The following ZNF423 variants were observed in gnomAD, a reference collection of about 807,000 sequenced individuals.
The protein encoded by ZNF423 is zinc finger protein 423.
ZNF423 carries 12 observed loss-of-function variants against 95.8 expected under a neutral mutation model. The observed-to-expected ratio is 0.13, with a 90% CI of 0.08 to 0.20. The LOEUF (loss-of-function observed/expected upper bound fraction) is 0.20, where lower values mean the gene tolerates loss of function less well. ZNF423 is among the 10% of genes least tolerant of loss of function. The pLI, the probability that ZNF423 is intolerant of heterozygous loss-of-function variation, is 1.00. For missense variants in ZNF423, 1,316 were observed against 1,737.1 expected (o/e 0.76, Z 4.31); for synonymous variants, 749 against 711.9 (o/e 1.05, Z -0.83).
intron 1 of ZNF423, among the ~76,000 whole-genome samples, chr16:49,800,199 G>A (rs2034560742): frequency 6.6e-6 from 1 of 151,664 alleles, no homozygotes; most frequent in Non-Finnish European, 1.5e-5. Flanking sequence ...AGCAGAGATT[G>A]TGCCACTGCA....
intron 1 of ZNF423, among the ~76,000 whole-genome samples, chr16:49,800,915 C>T (rs919588534): frequency 2.0e-5 from 3 of 152,146 alleles, no homozygotes; most frequent in Non-Finnish European, 4.4e-5. Context: ...CAGCCATTCA[C>T]CCCTCGTTCT....
At chr16:49,655,718 C>T (rs2029869143) in intron 3 of ZNF423, among the ~76,000 whole-genome samples, 1 of 152,084 alleles carries the variant, frequency 6.6e-6, no homozygotes, top group Admixed American at 6.5e-5. Context: ...CAAGGTGTTC[C>T]CAAATACACA....
At chr16:49,744,574 C>T (rs1215881689) in intron 2 of ZNF423, among the ~76,000 whole-genome samples, 2 of 152,188 alleles carry the variant, frequency 1.3e-5, no homozygotes, top group African/African-American at 4.8e-5. Context: ...GTACCCAGCT[C>T]GGGGTCAGGG....
At chr16:49,530,974 G>T (rs945570474) in intron 5 of ZNF423, among the ~76,000 whole-genome samples, 3 of 152,196 alleles carry the variant, frequency 2.0e-5, no homozygotes, top group Non-Finnish European at 4.4e-5. Context: ...AAAAAATCCT[G>T]GTCAGAAGGA....
chr16:49,787,172 C>G (rs2034328036), intron 2 of ZNF423, among the ~76,000 whole-genome samples: 20 of 152,194 alleles, frequency 1.3e-4, no homozygotes, highest in Admixed American at 1.3e-3. Context: ...CGCCTGCCAC[C>G]CAGGCTTGGA....
intron 5 of ZNF423, among the ~76,000 whole-genome samples, chr16:49,560,015 C>T (rs1969964875): frequency 6.6e-6 from 1 of 152,174 alleles, no homozygotes; most frequent in Admixed American, 6.5e-5. Flanking sequence ...AAATTGCCAC[C>T]CTGTCACAGT....
chr16:49,850,262 A>G (rs1230843105), intron 1 of ZNF423, among the ~76,000 whole-genome samples: 1 of 152,146 alleles, frequency 6.6e-6, no homozygotes, highest in Non-Finnish European at 1.5e-5. Context: ...AGCCAGCCCC[A>G]AAAACTTCAA....
chr16:49,798,700 C>A (rs574491113), intron 1 of ZNF423, among the ~76,000 whole-genome samples: 1 of 152,282 alleles, frequency 6.6e-6, no homozygotes, highest in East Asian at 1.9e-4. Context: ...TGGGTCTCCA[C>A]GTCGGCGCTT....
rs112552413 is a variant in ZNF423, at chr16:49,628,478, C to A, written c.3517-2224G>T. Among the ~76,000 whole-genome samples the A allele has an allele frequency of 6.2e-3, 939 of 152,160 alleles. 8 individuals are homozygous for A. Among genetic ancestry groups the A allele is most frequent in the African/African-American group, 0.02 (843 of 41,512 alleles). On this transcript the variant is annotated intron_variant, in intron 4 of 7. Coordinates refer to ENST00000563137, the MANE Select transcript of ZNF423 (RefSeq NM_001379286.1). ...CCCATCAGTCTATCCATCCATCCAC[C>A]TACCTATTGTCTGTCTACCCATTCG...
At chr16:49,700,928 GGAGGAGGGCA>G (rs2032159495) in intron 3 of ZNF423, among the ~76,000 whole-genome samples, 2 of 152,204 alleles carry the variant, frequency 1.3e-5, no homozygotes, top group African/African-American at 4.8e-5. Context: ...GAGGGAAGAG[GGAGGAGGGCA>G]GAGGAGGGAG....
At chr16:49,618,932 A>C (rs907507252) in intron 5 of ZNF423, among the ~76,000 whole-genome samples, 2 of 151,806 alleles carry the variant, frequency 1.3e-5, no homozygotes, top group Admixed American at 1.3e-4. Context: ...ACCTTCTCTC[A>C]CCTACTCTAC....
At position 49,635,661 on chromosome 16, in the gene ZNF423, C is replaced by T. The variant is rs1482492587; in HGVS notation, c.3515G>A (p.Arg1172Gln). ...RKGTQTSPVP[R>Q]KKTYQCIKCQ... is the part of the protein sequence containing the mutation. ...CAGGATGAGGTGGACTGCACTTACC[C>T]GGGGCACTGGCGATGTCTGGGTGCC... Residue 1172 changes from arginine to glutamine, a missense_variant and splice_region_variant, in exon 4 of 8, where the codon CGG becomes CAG. This residue lies in a region of ZNF423 where 75 missense variants were observed against 163.5 expected (regional missense o/e 0.46). Transcript: ENST00000563137. The surrounding 1 kb of genome is among the most constrained non-coding windows in gnomAD (Gnocchi z 4.8). 5.1e-6 allele frequency: 8 copies of T among 1,563,858 alleles called. No individual in the cohort carries two copies. The highest frequency in any genetic ancestry group is 1.7e-4 in the Middle Eastern group (1 of 5,766).
At chr16:49,648,300 T>C (rs552662386) in intron 3 of ZNF423, among the ~76,000 whole-genome samples, 3 of 152,228 alleles carry the variant, frequency 2.0e-5, no homozygotes, top group Middle Eastern at 3.4e-3. Flanking sequence ...CTGTGGAAGG[T>C]ATGGGCTGGT....
chr16:49,495,348 C>T (rs542629586), intron 7 of ZNF423, among the ~76,000 whole-genome samples: 128 of 152,258 alleles, frequency 8.4e-4, no homozygotes, highest in Non-Finnish European at 1.6e-3. Flanking sequence ...GGCATGGGCC[C>T]GGGCACAGAA....
At chr16:49,702,231 G>A (rs966831659) in intron 3 of ZNF423, among the ~76,000 whole-genome samples, 1 of 152,318 alleles carries the variant, frequency 6.6e-6, no homozygotes, top group East Asian at 1.9e-4. Flanking sequence ...GCACAAGGCG[G>A]GCCTTTGGAG....
At chr16:49,837,671 C>G (rs1009953688) in intron 1 of ZNF423, among the ~76,000 whole-genome samples, 2 of 152,262 alleles carry the variant, frequency 1.3e-5, no homozygotes, top group African/African-American at 4.8e-5. Flanking sequence ...GACAGTCACA[C>G]TCAAAACTCC....
intron 3 of ZNF423, among the ~76,000 whole-genome samples, chr16:49,640,074 C>T (rs998392197): frequency 5.9e-5 from 9 of 152,162 alleles, no homozygotes; most frequent in Non-Finnish European, 1.3e-4. Flanking sequence ...GATTCGGCTC[C>T]GCTGACCTTG....
chr16:49,589,636 G>A (rs990650996), intron 5 of ZNF423, among the ~76,000 whole-genome samples: 3 of 152,046 alleles, frequency 2.0e-5, no homozygotes, highest in African/African-American at 7.2e-5. Context: ...GGGGCTCAGC[G>A]GTTTCAAAAA....
intron 2 of ZNF423, 25 bp from the exon 3 acceptor site, chr16:49,730,996 A>C: frequency 6.2e-7 from 1 of 1,610,408 alleles, no homozygotes; most frequent in Non-Finnish European, 8.5e-7. Context: ...AATACAGTCC[A>C]TGTCAGCTGA....
Sources: allele counts gnomAD v4.1 joint callset (sites outside exome capture counted in the v4.1 genomes callset), GRCh38; gene constraint gnomAD v4.1.1; regional missense constraint gnomAD v4.1.1; non-coding constraint Gnocchi (gnomAD v3.1); transcripts MANE v1.5; gene names NCBI Gene and HGNC (gene_info 2026-07-23, HGNC 2026-07-21).